Variants in MAFF observed in about 807,000 individuals in gnomAD.
MAFF encodes the protein transcription factor MafF.
MAFF carries 4 observed loss-of-function variants against 2.7 expected under a neutral mutation model. That is an observed-to-expected ratio of 1.48 (90% CI 0.73 to 3.39). MAFF has a LOEUF of 3.39. Among genes scored for constraint, MAFF ranks in the 30% most tolerant of loss-of-function variants. The pLI is 0.01. For missense variants in MAFF, 190 were observed against 246.6 expected (o/e 0.77, Z 1.54); for synonymous variants, 113 against 119.4 (o/e 0.95, Z 0.35).
intron 1 of MAFF, chr22:38,203,485 G>C (rs574463065): frequency 6.6e-6 from 1 of 152,238 alleles, no homozygotes; most frequent in African/African-American, 2.4e-5. Context: ...AACTCTGACT[G>C]CACGGAGGGT....
At chr22:38,208,494 A>C (rs893067290) in intron 1 of MAFF, among the ~76,000 whole-genome samples, 6 of 152,132 alleles carry the variant, frequency 3.9e-5, no homozygotes, top group African/African-American at 1.4e-4. Flanking sequence ...AAGCAGCTGG[A>C]GAGGAGGAAG....
chr22:38,214,758 C>T lies in MAFF; in HGVS notation c.375C>T (p.Arg125=). ...TCGCGCGCTCCGTGGCCGCCGCCCG[C>T]GGGCCCGCCACGCTCGTGGCGCCGG... is the stretch of plus-strand genomic sequence containing the variant. ...QGFARSVAAA[R]GPATLVAPAS... Residue 125 remains arginine, a synonymous_variant, in exon 3 of 3, where the codon CGC becomes CGT. Transcript: ENST00000338483. This position sits in a 1 kb window ranked among gnomAD's most constrained non-coding sequence, Gnocchi z 6.3. The T allele has an allele frequency of 7.1e-7, 1 of 1,409,558 alleles. No homozygotes were observed. The highest frequency in any genetic ancestry group is 1.5e-5 in the South Asian group (1 of 66,104). The allele number at this position is 1,409,558 out of a possible 1,614,324, so 87.3% of individuals were successfully genotyped here. A position where few individuals can be genotyped will look rare whatever the true frequency, so the allele number is the denominator to read the frequency against.
intron 1 of MAFF, among the ~76,000 whole-genome samples, chr22:38,206,373 G>C (rs933558254): frequency 7.4e-6 from 1 of 135,016 alleles, no homozygotes; most frequent in Non-Finnish European, 1.5e-5. Flanking sequence ...ATGGAGTCTC[G>C]CTCTGTTGCC....
rs1016980046 is a variant in MAFF, at chr22:38,202,504, G to T, written c.-32+292G>T. The T allele has an allele frequency of 6.6e-6, 1 of 151,668 alleles. No individual in the cohort carries two copies. Among genetic ancestry groups the T allele is most frequent in the South Asian group, 2.1e-4 (1 of 4,818 alleles). 9.4% of individuals were successfully genotyped at this position (151,668 alleles called of 1,614,324 possible). ...GGCAGCGCAGGCCGGCGATCTCCGC[G>T]TCCGCCCGGCGGGGGCGGGGGCGCT... On this transcript the variant is annotated intron_variant, in intron 1 of 2. Transcript: ENST00000338483. This position sits in a 1 kb window ranked among gnomAD's most constrained non-coding sequence, Gnocchi z 7.4.
chr22:38,212,727 G>A (rs1325593975), intron 1 of MAFF, among the ~76,000 whole-genome samples: 2 of 152,178 alleles, frequency 1.3e-5, no homozygotes, highest in Admixed American at 6.5e-5. Context: ...CCAAAACAGA[G>A]GTCTAGATGA....
intron 1 of MAFF, among the ~76,000 whole-genome samples, chr22:38,205,938 C>T (rs2091047933): frequency 6.6e-6 from 1 of 152,226 alleles, no homozygotes; most frequent in South Asian, 2.1e-4. Flanking sequence ...GATTGCCTGA[C>T]TGCTGAGCTA....
rs771721927 is a variant in MAFF, at chr22:38,214,470, G to A, written c.87G>A (p.Leu29=). 26 of 1,609,518 alleles carry A rather than the reference G, an allele frequency of 1.6e-5. No individual in the cohort carries two copies. The African/African-American group carries it at 2.7e-4, about 17-fold the overall frequency. ...CGCCGCACCTGTCGGACGAGGCGCTGATGGGGCTGTCGGTGCGCGAGCTGA... is the reference window on the plus strand; with the variant it reads ...CGCCGCACCTGTCGGACGAGGCGCTAATGGGGCTGTCGGTGCGCGAGCTGA... ...ENTPHLSDEA[L]MGLSVRELNR... is the part of the protein sequence containing the mutation. Residue 29 remains leucine (L), a synonymous_variant, in exon 3 of 3, where the codon CTG becomes CTA. Transcript: ENST00000338483. This position sits in a 1 kb window ranked among gnomAD's most constrained non-coding sequence, Gnocchi z 6.3.
intron 1 of MAFF, chr22:38,205,157 C>G (rs907996094): frequency 7.2e-5 from 11 of 152,290 alleles, no homozygotes; most frequent in African/African-American, 2.7e-4. Flanking sequence ...GGGCCAGAAT[C>G]TGAAACTCTA....
chr22:38,204,680 C>A (rs75394805), intron 1 of MAFF, among the ~76,000 whole-genome samples: 2,323 of 152,298 alleles, frequency 0.015, 63 homozygotes, highest in African/African-American at 0.053. Flanking sequence ...CTCCCTCACA[C>A]ACACAGGCAT....
intron 1 of MAFF, among the ~76,000 whole-genome samples, chr22:38,211,260 A>C (rs2091099013): frequency 7.1e-6 from 1 of 141,144 alleles, no homozygotes. Context: ...ACGGAGTCTC[A>C]CTCTCGCCCA....
rs11703601 is a variant in MAFF, at chr22:38,202,034, C to T, written c.-210C>T. On this transcript the variant is annotated 5_prime_UTR_variant, in exon 1 of 3. Coordinates refer to ENST00000338483, the MANE Select transcript of MAFF (RefSeq NM_012323.4). This position sits in a 1 kb window ranked among gnomAD's most constrained non-coding sequence, Gnocchi z 7.4. ...GCCTTACAACTCCGCGCGGCCTCGG[C>T]CCCCTGCGCCGCCCGCCCCACAACA... 0.3 allele frequency: 44,990 copies of T among 152,324 alleles called. 6,788 individuals are homozygous for T. The highest frequency in any genetic ancestry group is 0.38 in the Admixed American group (5,734 of 15,288). 9.4% of individuals were successfully genotyped at this position (152,324 alleles called of 1,614,324 possible).
chr22:38,214,311 C>G lies in MAFF; in HGVS notation c.37-109C>G, dbSNP rs1217094399. 1 of 1,091,030 alleles carries G rather than the reference C, an allele frequency of 9.2e-7. No individual in the cohort carries two copies. The allele number at this position is 1,091,030 out of a possible 1,614,324, so 67.6% of individuals were successfully genotyped here. ...CCTGCTCCCCTTCGGGGTTTTGGAT[C>G]AAGTCCACCCACCACCTCGGCGGCT... On this transcript the variant is annotated intron_variant, in intron 2 of 2. Coordinates refer to ENST00000338483, the MANE Select transcript of MAFF (RefSeq NM_012323.4). This position sits in a 1 kb window ranked among gnomAD's most constrained non-coding sequence, Gnocchi z 6.3.
intron 1 of MAFF, among the ~76,000 whole-genome samples, chr22:38,210,556 A>C (rs916885742): frequency 2.6e-5 from 4 of 151,484 alleles, no homozygotes; most frequent in African/African-American, 9.7e-5. Flanking sequence ...CTGAACAAAT[A>C]ACCACCATAT....
chr22:38,207,794 C>T (rs1034515112), intron 1 of MAFF, among the ~76,000 whole-genome samples: 2 of 152,222 alleles, frequency 1.3e-5, no homozygotes, highest in East Asian at 1.9e-4. Flanking sequence ...TGGAGTCTAG[C>T]CATCTTGCCC....
Position 38,202,640 on chromosome 22 carries a change from G to A in MAFF, c.-32+428G>A, listed in dbSNP as rs2091022609. On this transcript the variant is annotated intron_variant, in intron 1 of 2. Coordinates refer to ENST00000338483, the MANE Select transcript of MAFF (RefSeq NM_012323.4). This position sits in a 1 kb window ranked among gnomAD's most constrained non-coding sequence, Gnocchi z 7.4. ...GCGTGTGTTCCCTGGCGGGCGGCCT[G>A]GGTATCCTGCCCGGTGCGTGCGTGC... 6.5e-6 allele frequency: 1 copy of A among 153,556 alleles called. No homozygotes were observed. Among genetic ancestry groups the A allele is most frequent in the South Asian group, 2.1e-4 (1 of 4,874 alleles). The allele number at this position is 153,556 out of a possible 1,614,324, so 9.5% of individuals were successfully genotyped here.
At chr22:38,209,818 AAAAAAAAAAAAAAAAAAGGG>A (rs2091083910) in intron 1 of MAFF, among the ~76,000 whole-genome samples, 1 of 149,272 alleles carries the variant, frequency 6.7e-6, no homozygotes, top group Admixed American at 6.6e-5. Context: ...CATCTCAAAA[AAAAAAAAAAAAAAAAAAGGG>A]AAAAAAAAAA....
At chr22:38,206,334 T>G (rs1315813623) in intron 1 of MAFF, among the ~76,000 whole-genome samples, 1 of 131,396 alleles carries the variant, frequency 7.6e-6, no homozygotes, top group Non-Finnish European at 1.5e-5. Flanking sequence ...TTCTTGCCTA[T>G]GCCTCCTTTT....
Position 38,214,389 on chromosome 22 carries a change from C to T in MAFF, c.37-31C>T, listed in dbSNP as rs1261583261. 2 of 1,553,666 alleles carry T rather than the reference C, an allele frequency of 1.3e-6. No individual in the cohort carries two copies. Among genetic ancestry groups the T allele is most frequent in the Non-Finnish European group, 1.7e-6 (2 of 1,148,662 alleles). On this transcript the variant is annotated intron_variant, in intron 2 of 2. Transcript: ENST00000338483. This position sits in a 1 kb window ranked among gnomAD's most constrained non-coding sequence, Gnocchi z 6.3. Reference sequence around the variant, plus strand: ...TGGAGCGGGGGGGCCCGTCCCCAGTCCCCTGGACCTCAGTTTCCTCATGCC... The same window carrying T: ...TGGAGCGGGGGGGCCCGTCCCCAGTTCCCTGGACCTCAGTTTCCTCATGCC...
chr22:38,205,948 A>G (rs541156961), intron 1 of MAFF, among the ~76,000 whole-genome samples: 42 of 152,342 alleles, frequency 2.8e-4, no homozygotes, highest in African/African-American at 9.1e-4. Flanking sequence ...CTGCTGAGCT[A>G]GGACATTCCT....
Sources: allele counts gnomAD v4.1 joint callset (sites outside exome capture counted in the v4.1 genomes callset), GRCh38; gene constraint gnomAD v4.1.1; non-coding constraint Gnocchi (gnomAD v3.1); transcripts MANE v1.5; gene names NCBI Gene and HGNC (gene_info 2026-07-23, HGNC 2026-07-21).